The following CEP85L variants were observed in gnomAD, a reference collection of about 807,000 sequenced individuals.
The protein encoded by CEP85L is centrosomal protein 85L.
CEP85L carries 60 observed loss-of-function variants against 100.3 expected under a neutral mutation model. That is an observed-to-expected ratio of 0.60 (90% CI 0.49 to 0.74). The LOEUF is 0.74. CEP85L is among the 30% of genes least tolerant of loss of function. The pLI is 0.00. For missense variants in CEP85L, 973 were observed against 936.2 expected, an observed-to-expected ratio of 1.04 and a Z score of -0.51; for synonymous variants, 319 against 322.7, an observed-to-expected ratio of 0.99 and a Z score of 0.12.
At chr6:118,707,191 T>C (rs1353129990) in intron 1 of CEP85L, among the ~76,000 whole-genome samples, 1 of 18,996 alleles carries the variant, frequency 5.3e-5, no homozygotes, top group South Asian at 1.2e-3. Context: ...CCTCATCTGC[T>C]TTTTTTTTTT....
intron 3 of CEP85L, among the ~76,000 whole-genome samples, chr6:118,538,499 T>A (rs1777728170): frequency 6.6e-6 from 1 of 152,176 alleles, no homozygotes; most frequent in Admixed American, 6.5e-5. Flanking sequence ...ACTAAATTAC[T>A]ATTATCTCTT....
intron 1 of CEP85L, among the ~76,000 whole-genome samples, chr6:118,669,749 CAT>C (rs1287618788): frequency 6.6e-6 from 1 of 151,820 alleles, no homozygotes; most frequent in African/African-American, 2.4e-5. Context: ...GGGCCTCACT[CAT>C]ATATTTATCT....
At chr6:118,612,844 G>A (rs1411851081) in intron 2 of CEP85L, among the ~76,000 whole-genome samples, 1 of 152,090 alleles carries the variant, frequency 6.6e-6, no homozygotes, top group Non-Finnish European at 1.5e-5. Context: ...GTGATCAGGA[G>A]ATGGTTCTTT....
chr6:118,557,725 A>G (rs1055553712), intron 3 of CEP85L, among the ~76,000 whole-genome samples: 2 of 152,198 alleles, frequency 1.3e-5, no homozygotes, highest in African/African-American at 4.8e-5. Context: ...GGATGAATAC[A>G]AATTATTATC....
intron 1 of CEP85L, among the ~76,000 whole-genome samples, chr6:118,689,081 C>A (rs1776944380): frequency 6.6e-6 from 1 of 152,230 alleles, no homozygotes; most frequent in African/African-American, 2.4e-5. Flanking sequence ...CTTGTACTGA[C>A]TTCTCCTGTG....
At chr6:118,467,435 G>A (rs1274661222) in intron 12 of CEP85L, among the ~76,000 whole-genome samples, 1 of 152,086 alleles carries the variant, frequency 6.6e-6, no homozygotes, top group Non-Finnish European at 1.5e-5. Flanking sequence ...GGAAACCAAG[G>A]TAGTGCACAG....
chr6:118,526,888 T>A (rs1776993947), intron 3 of CEP85L, among the ~76,000 whole-genome samples: 1 of 151,580 alleles, frequency 6.6e-6, no homozygotes, highest in South Asian at 2.1e-4. Flanking sequence ...AATTCATGAA[T>A]AATCCACCTC....
chr6:118,482,926 C>G (rs1214993218), intron 7 of CEP85L, among the ~76,000 whole-genome samples: 2 of 152,042 alleles, frequency 1.3e-5, no homozygotes, highest in Non-Finnish European at 2.9e-5. Context: ...AACTTTACCC[C>G]CAGAAGACAT....
At chr6:118,585,832 A>C (rs1045541017) in intron 2 of CEP85L, among the ~76,000 whole-genome samples, 3 of 152,158 alleles carry the variant, frequency 2.0e-5, no homozygotes, top group African/African-American at 7.2e-5. Context: ...CAAAGAACAA[A>C]AAGATACCCA....
At chr6:118,675,940 T>A (rs1776468078) in intron 1 of CEP85L, among the ~76,000 whole-genome samples, 1 of 152,162 alleles carries the variant, frequency 6.6e-6, no homozygotes, top group African/African-American at 2.4e-5. Context: ...TCAAAGAGAA[T>A]GAACAATAAT....
chr6:118,567,188 T>G (rs1185843207), intron 2 of CEP85L, among the ~76,000 whole-genome samples: 2 of 150,026 alleles, frequency 1.3e-5, no homozygotes, highest in African/African-American at 4.9e-5. Context: ...TGTGTGTACA[T>G]ATATGTATGA....
At chr6:118,557,607 T>C (rs901398956) in intron 3 of CEP85L, among the ~76,000 whole-genome samples, 10 of 152,206 alleles carry the variant, frequency 6.6e-5, no homozygotes, top group South Asian at 2.1e-4. Flanking sequence ...TATCCTGTGA[T>C]GGAGTGGCCT....
At chr6:118,605,765 C>A (rs1335041200) in intron 2 of CEP85L, among the ~76,000 whole-genome samples, 1 of 152,146 alleles carries the variant, frequency 6.6e-6, no homozygotes, top group Non-Finnish European at 1.5e-5. Flanking sequence ...GTAATCCCAG[C>A]ACTTTGAGAG....
At chr6:118,656,182 G>C (rs1351605250), upstream of CEP85L, among the ~76,000 whole-genome samples, 3 of 152,198 alleles carry the variant, frequency 2.0e-5, no homozygotes, top group East Asian at 5.8e-4. Flanking sequence ...AAAGAAGGCA[G>C]ATAGATAAAC....
chr6:118,652,318 C>T (rs1775614891), upstream of CEP85L: 1 of 859,080 alleles, frequency 1.2e-6, no homozygotes, highest in Non-Finnish European at 1.4e-6. Flanking sequence ...GGCCAGTTTC[C>T]ACCCTTCACC....
At chr6:118,531,265 A>ACTCC (rs1777275370) in intron 3 of CEP85L, among the ~76,000 whole-genome samples, 2 of 152,056 alleles carry the variant, frequency 1.3e-5, no homozygotes, top group South Asian at 4.1e-4. Context: ...AAAGGAAAGG[A>ACTCC]CTCCCTGTTC....
At chr6:118,673,535 T>C (rs1013021469) in intron 1 of CEP85L, among the ~76,000 whole-genome samples, 2 of 152,180 alleles carry the variant, frequency 1.3e-5, no homozygotes, top group Admixed American at 6.5e-5. Context: ...GCGTACTGAG[T>C]AGTATCTCAG....
intron 2 of CEP85L, among the ~76,000 whole-genome samples, chr6:118,579,915 T>C (rs1349396514): frequency 1.3e-5 from 2 of 152,208 alleles, no homozygotes; most frequent in East Asian, 3.9e-4. Context: ...CACCTTCTTC[T>C]TGTCACTACA....
intron 1 of CEP85L, among the ~76,000 whole-genome samples, chr6:118,638,408 G>T (rs1562329908): frequency 6.6e-6 from 1 of 151,734 alleles, no homozygotes; most frequent in Admixed American, 6.6e-5. Context: ...TTCACAGTCT[G>T]AAAAGAATGA....
Sources: gnomAD v4.1 joint callset for allele counts (sites outside exome capture counted in the v4.1 genomes callset) on GRCh38, gnomAD v4.1.1 for gene constraint, MANE v1.5 for transcripts, NCBI Gene and HGNC (gene_info 2026-07-23, HGNC 2026-07-21) for gene names.